COCH: variants seen among roughly 807,000 people sequenced by gnomAD.
COCH encodes cochlin.
Under a neutral mutation model 54.8 loss-of-function variants are expected in COCH, and 40 were observed. The ratio of observed to expected loss-of-function variants is 0.73; its 90% CI spans 0.57 to 0.95. The LOEUF (loss-of-function observed/expected upper bound fraction) is 0.95. COCH is among the 40% of genes least tolerant of loss of function. The pLI is 0.00. For missense variants in COCH, 605 were observed against 675.0 expected, an observed-to-expected ratio of 0.90 and a Z score of 1.15; for synonymous variants, 256 against 237.9, an observed-to-expected ratio of 1.08 and a Z score of -0.70.
downstream of COCH, chr14:30,895,341 T>C: frequency 6.8e-7 from 1 of 1,473,486 alleles, no homozygotes; most frequent in Non-Finnish European, 9.0e-7. Context: ...TCAGTAACCT[T>C]TCTGATGGCA....
chr14:30,884,240 C>T (rs989358805), intron 8 of COCH, among the ~76,000 whole-genome samples: 4 of 152,232 alleles, frequency 2.6e-5, no homozygotes, highest in African/African-American at 9.6e-5. Context: ...CTCTGAGACT[C>T]AGTTTCTTCA....
At chr14:30,893,618 C>T (rs75219204), downstream of COCH, among the ~76,000 whole-genome samples, 8,484 of 152,188 alleles carry the variant, frequency 0.056, 427 homozygotes, top group East Asian at 0.21. Flanking sequence ...CTTAAAACTG[C>T]ACCTGTGCAT....
intron 4 of COCH, among the ~76,000 whole-genome samples, 163 bp from the exon 5 acceptor site, chr14:30,878,648 C>G (rs138971652): frequency 6.6e-6 from 1 of 152,222 alleles, no homozygotes; most frequent in East Asian, 1.9e-4. Flanking sequence ...CAGAGCGAGA[C>G]GCCATCAAAT....
chr14:30,888,243 CT>C (rs747801148), intron 11 of COCH, among the ~76,000 whole-genome samples: 343 of 140,754 alleles, frequency 2.4e-3, no homozygotes, highest in Admixed American at 2.3e-3. Context: ...AATATTTTGA[CT>C]TTTTTTTTTT....
intron 8 of COCH, among the ~76,000 whole-genome samples, chr14:30,883,850 T>A (rs186222202): frequency 6.6e-6 from 1 of 152,352 alleles, no homozygotes; most frequent in African/African-American, 2.4e-5. Context: ...CACATAATTT[T>A]AAGGTGCACA....
intron 11 of COCH, among the ~76,000 whole-genome samples, chr14:30,887,808 C>G (rs866375612): frequency 6.6e-6 from 1 of 152,184 alleles, no homozygotes; most frequent in Non-Finnish European, 1.5e-5. Context: ...AATTTAAGTT[C>G]CACATCTAGC....
intron 8 of COCH, among the ~76,000 whole-genome samples, chr14:30,882,929 T>C (rs1895665990): frequency 6.6e-6 from 1 of 152,188 alleles, no homozygotes; most frequent in Non-Finnish European, 1.5e-5. Context: ...CCTAGAAAGG[T>C]GAAGTAGTTT....
chr14:30,877,887 G>A lies in COCH; in HGVS notation c.239+159G>A, dbSNP rs1895427813. ...TTTCACGGTTCTCCTGGATATACTTGAAACACCAAATACACATGGAAAGCT... is the reference window on the plus strand; with the variant it reads ...TTTCACGGTTCTCCTGGATATACTTAAAACACCAAATACACATGGAAAGCT... On this transcript the variant is annotated intron_variant, in intron 4 of 11. Coordinates refer to ENST00000396618, the MANE Select transcript of COCH (RefSeq NM_004086.3). This position sits in a 1 kb window ranked among gnomAD's most constrained non-coding sequence, Gnocchi z 8.6. Among the ~76,000 whole-genome samples the A allele has an allele frequency of 6.6e-6, 1 of 152,140 alleles. No individual in the cohort carries two copies. The highest frequency in any genetic ancestry group is 1.5e-5 in the Non-Finnish European group (1 of 68,006).
intron 8 of COCH, 109 bp downstream of exon 8, chr14:30,880,843 T>C (rs1895554837): frequency 1.2e-6 from 1 of 811,472 alleles, no homozygotes. Context: ...ATACATACAA[T>C]GTATAGTGGT....
chr14:30,893,159 T>TC, downstream of COCH, among the ~76,000 whole-genome samples: 1 of 136,894 alleles, frequency 7.3e-6, no homozygotes, highest in East Asian at 2.0e-4. Context: ...ATTTTTTTTT[T>TC]TTTTTTTTTT....
intron 4 of COCH, among the ~76,000 whole-genome samples, chr14:30,878,468 C>A (rs1351233982): frequency 6.6e-6 from 1 of 152,062 alleles, no homozygotes; most frequent in African/African-American, 2.4e-5. Flanking sequence ...CGAGACCTAG[C>A]CAACATGGTG....
chr14:30,892,877 G>T (rs1046203591), downstream of COCH, among the ~76,000 whole-genome samples: 1 of 151,312 alleles, frequency 6.6e-6, no homozygotes, highest in Non-Finnish European at 1.5e-5. Flanking sequence ...TTGCCACTTA[G>T]ATTTTTATGG....
rs1401680905 is a variant in COCH, at chr14:30,879,028, C to T, written c.373+84C>T. ...CTTTTTTTAGCTCAGCCTCTTTAAC[C>T]TTGATGGAAAAACCTGTGATCAAGA... On this transcript the variant is annotated intron_variant, in intron 5 of 11. Coordinates refer to ENST00000396618, the MANE Select transcript of COCH (RefSeq NM_004086.3). 6 of 1,554,002 alleles carry T rather than the reference C, an allele frequency of 3.9e-6. No homozygotes were observed. In the African/African-American group the frequency reaches 4.1e-5, roughly 11 times the overall value.
intron 3 of COCH, chr14:30,875,555 T>A: frequency 2.1e-6 from 1 of 487,732 alleles, no homozygotes; most frequent in Non-Finnish European, 3.6e-6. Flanking sequence ...AACGTCGCTG[T>A]CCCACCTTGT....
chr14:30,885,796 G>C lies in COCH; in HGVS notation c.961G>C (p.Ala321Pro). The C allele has an allele frequency of 6.2e-7, 1 of 1,613,874 alleles. No individual in the cohort carries two copies. The highest frequency in any genetic ancestry group is 8.5e-7 in the Non-Finnish European group (1 of 1,179,940). Residue 321 changes from alanine (A) to proline (P), a missense_variant and splice_region_variant, in exon 11 of 12, where the codon GCT (alanine) becomes CCT (proline). Transcript: ENST00000396618. ...MVQDVTFVDK[A>P]VCRNNGFFSY... ...ATCTTTTATGTGTCTCCCCCATTAG[G>C]CTGTCTGTCGGAATAATGGCTTCTT... is the stretch of plus-strand genomic sequence containing the variant.
At chr14:30,881,740 C>T (rs1160543186) in intron 8 of COCH, among the ~76,000 whole-genome samples, 1 of 151,936 alleles carries the variant, frequency 6.6e-6, no homozygotes, top group African/African-American at 2.4e-5. Flanking sequence ...GGATGGATCA[C>T]GGGGTCAGGA....
chr14:30,878,606 G>A lies in COCH; in HGVS notation c.240-205G>A, dbSNP rs184571393. On this transcript the variant is annotated intron_variant, in intron 4 of 11. Coordinates refer to ENST00000396618, the MANE Select transcript of COCH (RefSeq NM_004086.3). Reference sequence around the variant, plus strand: ...CTGGAGGTGGAGGTTGCAGTGAGCCGAGATCGCGCCACTGCACTCCATCCT... The same window carrying A: ...CTGGAGGTGGAGGTTGCAGTGAGCCAAGATCGCGCCACTGCACTCCATCCT... Among the ~76,000 whole-genome samples the A allele has an allele frequency of 1.6e-3, 246 of 152,286 alleles. 2 individuals are homozygous for A. Among genetic ancestry groups the A allele is most frequent in the Admixed American group, 0.012 (178 of 15,290 alleles).
intron 6 of COCH, among the ~76,000 whole-genome samples, chr14:30,880,067 C>G (rs1242381799): frequency 6.6e-6 from 1 of 152,206 alleles, no homozygotes; most frequent in African/African-American, 2.4e-5. Flanking sequence ...CATTAAATTC[C>G]TTTAATTACT....
intron 11 of COCH, among the ~76,000 whole-genome samples, chr14:30,886,929 C>T (rs1027827584): frequency 6.6e-6 from 1 of 152,034 alleles, no homozygotes; most frequent in African/African-American, 2.4e-5. Flanking sequence ...ACTTTGTTGC[C>T]CAGGCTGATC....
Sources: allele counts gnomAD v4.1 joint callset (sites outside exome capture counted in the v4.1 genomes callset), GRCh38; gene constraint gnomAD v4.1.1; non-coding constraint Gnocchi (gnomAD v3.1); transcripts MANE v1.5; gene names NCBI Gene and HGNC (gene_info 2026-07-23, HGNC 2026-07-21).